Variants in CTTNBP2 observed in about 807,000 individuals in gnomAD.
CTTNBP2 encodes the protein cortactin-binding protein 2.
Under a neutral mutation model 156.9 loss-of-function variants are expected in CTTNBP2, and 108 were observed. The observed-to-expected ratio is 0.69, with a 90% CI of 0.59 to 0.81. The LOEUF (loss-of-function observed/expected upper bound fraction) is 0.81. Among genes scored for constraint, CTTNBP2 ranks in the 30% least tolerant of loss-of-function variants. CTTNBP2 has a pLI of 0.00. For synonymous variants in CTTNBP2, 767 were observed against 751.8 expected, an observed-to-expected ratio of 1.02 and a Z score of -0.33; for missense variants, 1,924 against 2,035.4, an observed-to-expected ratio of 0.95 and a Z score of 1.05.
intron 8 of CTTNBP2, among the ~76,000 whole-genome samples, chr7:117,775,584 CTTTTTT>C (rs35808637): frequency 7.2e-6 from 1 of 138,442 alleles, no homozygotes; most frequent in Non-Finnish European, 1.6e-5. Flanking sequence ...TTTGTTTTTC[CTTTTTT>C]TTTTTTGCCT....
At chr7:117,841,731 C>T (rs1370904224) in intron 2 of CTTNBP2, among the ~76,000 whole-genome samples, 1 of 152,176 alleles carries the variant, frequency 6.6e-6, no homozygotes, top group Non-Finnish European at 1.5e-5. Flanking sequence ...ATGATGAATG[C>T]ATGATTATAC....
rs1804750203 is a variant in CTTNBP2 at position 117,873,219 on chromosome 7, G to A, written c.81+116C>T. On this transcript the variant is annotated intron_variant, in intron 1 of 22. Coordinates refer to ENST00000160373, the MANE Select transcript of CTTNBP2 (RefSeq NM_033427.3). Reference sequence around the variant, plus strand: ...GGGGCCCCGATGAAGGGGCACCGGAGAGTCCCGGGCTTACGGAACGCCCCG... The same window carrying A: ...GGGGCCCCGATGAAGGGGCACCGGAAAGTCCCGGGCTTACGGAACGCCCCG... The A allele has an allele frequency of 1.3e-5, 10 of 752,510 alleles. No homozygotes were observed. The East Asian group carries it at 3.6e-4, about 27-fold the overall frequency. 46.6% of individuals were successfully genotyped at this position (752,510 alleles called of 1,614,324 possible). A position where few individuals can be genotyped will look rare whatever the true frequency, so the allele number is the denominator to read the frequency against.
rs200629394 is a variant in CTTNBP2, at chr7:117,861,221, G to A, written c.177C>T (p.Ile59=). 1.1e-5 allele frequency: 18 copies of A among 1,611,722 alleles called. No individual in the cohort carries two copies. Among genetic ancestry groups the A allele is most frequent in the African/African-American group, 4.0e-5 (3 of 74,954 alleles). ...EGELEARDLV[I]EALRARRKEV... ...GTGTCGTCCTTACCCGCAGGGCCTC[G>A]ATGACAAGGTCTCTGGCCTCCAGCT... The change falls in exon 2 of 23, where the codon ATC becomes ATT. Residue 59 remains isoleucine, a synonymous_variant. Coordinates refer to ENST00000160373, the MANE Select transcript of CTTNBP2 (RefSeq NM_033427.3).
chr7:117,711,295 A>C lies in CTTNBP2; in HGVS notation c.*242T>G. On this transcript the variant is annotated 3_prime_UTR_variant, in exon 23 of 23. Coordinates refer to ENST00000160373, the MANE Select transcript of CTTNBP2 (RefSeq NM_033427.3). Reference sequence around the variant, plus strand: ...ACTATTACAATTTTTCTATTATAAAACTACTTGAAAAGTTGGCATAACTTC... The same window carrying C: ...ACTATTACAATTTTTCTATTATAAACCTACTTGAAAAGTTGGCATAACTTC... 7.1e-6 allele frequency: 3 copies of C among 424,160 alleles called. No individual in the cohort carries two copies. In the South Asian group the frequency reaches 9.3e-5, roughly 13 times the overall value. The allele number at this position is 424,160 out of a possible 1,614,324, so 26.3% of individuals were successfully genotyped here. A position where few individuals can be genotyped will look rare whatever the true frequency, so the allele number is the denominator to read the frequency against.
Position 117,710,864 on chromosome 7 carries a change from T to G in CTTNBP2, c.*673A>C, listed in dbSNP as rs1288400636. 6.6e-6 allele frequency: 1 copy of G among 152,398 alleles called. No individual in the cohort carries two copies. The highest frequency in any genetic ancestry group is 6.6e-5 in the Admixed American group (1 of 15,262). The allele number at this position is 152,398 out of a possible 1,614,324, so 9.4% of individuals were successfully genotyped here. On this transcript the variant is annotated 3_prime_UTR_variant, in exon 23 of 23. Coordinates refer to ENST00000160373, the MANE Select transcript of CTTNBP2 (RefSeq NM_033427.3). The stretch of plus-strand genomic sequence containing the variant: ...AAACTTTTGTAAGAAAGATAACACT[T>G]TTATTGCATTATAATTTCATATTTT...
At chr7:117,833,045 G>A (rs34363739) in intron 2 of CTTNBP2, among the ~76,000 whole-genome samples, 2,778 of 151,984 alleles carry the variant, frequency 0.018, 37 homozygotes, top group Middle Eastern at 0.044. Flanking sequence ...GTGAGCCACC[G>A]CATCTGGCCC....
intron 1 of CTTNBP2, among the ~76,000 whole-genome samples, chr7:117,864,630 GAATA>G (rs934206307): frequency 1.1e-4 from 16 of 142,258 alleles, no homozygotes; most frequent in African/African-American, 3.3e-4. Flanking sequence ...ATTTTTGTTA[GAATA>G]TATATATTCA....
intron 3 of CTTNBP2, among the ~76,000 whole-genome samples, chr7:117,804,214 C>T (rs1799793641): frequency 6.6e-6 from 1 of 152,192 alleles, no homozygotes; most frequent in African/African-American, 2.4e-5. Flanking sequence ...CCGCCTGTCT[C>T]AGTCTCCCAA....
chr7:117,718,246 CT>C, intron 21 of CTTNBP2, 127 bp from the exon 22 acceptor site: 3 of 536,138 alleles, frequency 5.6e-6, no homozygotes, highest in Non-Finnish European at 6.6e-6. Context: ...CCCTCAAGTC[CT>C]GAACTGTTCA....
At chr7:117,736,966 C>T (rs530300938) in intron 14 of CTTNBP2, among the ~76,000 whole-genome samples, 1 of 152,222 alleles carries the variant, frequency 6.6e-6, no homozygotes, top group East Asian at 1.9e-4. Context: ...TTACTATAGA[C>T]ACAATGCATT....
intron 4 of CTTNBP2, 131 bp from the exon 5 acceptor site, chr7:117,784,585 AT>A (rs1398060746): frequency 8.8e-6 from 5 of 565,662 alleles, no homozygotes; most frequent in African/African-American, 1.9e-5. Context: ...GGTTTCTAAC[AT>A]TATCAATCTG....
intron 9 of CTTNBP2, among the ~76,000 whole-genome samples, chr7:117,765,355 T>C (rs1463962706): frequency 6.6e-6 from 1 of 152,226 alleles, no homozygotes; most frequent in Non-Finnish European, 1.5e-5. Flanking sequence ...AGAATTGGAA[T>C]CTTAGAAAGA....
chr7:117,750,256 A>G (rs538071448), intron 12 of CTTNBP2, among the ~76,000 whole-genome samples: 1 of 152,154 alleles, frequency 6.6e-6, no homozygotes, highest in Non-Finnish European at 1.5e-5. Context: ...ACATAAAGAG[A>G]CCCAACTTCA....
chr7:117,757,383 A>T (rs963417844), intron 11 of CTTNBP2, among the ~76,000 whole-genome samples: 5 of 152,122 alleles, frequency 3.3e-5, no homozygotes, highest in Non-Finnish European at 7.3e-5. Context: ...GGATAAGCAG[A>T]AATGCATATC....
In CTTNBP2 at chr7:117,735,283, C is replaced by T; in HGVS notation, c.3674G>A (p.Cys1225Tyr). The T allele has an allele frequency of 1.2e-6, 2 of 1,613,874 alleles. No homozygotes were observed. Among genetic ancestry groups the T allele is most frequent in the African/African-American group, 1.3e-5 (1 of 75,034 alleles). ...PLENRSTESP[C>Y]TFQKGNGLSE... Reference sequence around the variant, plus strand: ...ATTAGCGTTACCTTTTTGGAAAGTGCAGGGGCTTTCAGTGCTGCGATTTTC... The same window carrying T: ...ATTAGCGTTACCTTTTTGGAAAGTGTAGGGGCTTTCAGTGCTGCGATTTTC... The change falls in exon 15 of 23, where the codon TGC (cysteine) becomes TAC (tyrosine). Residue 1225 changes from cysteine (C) to tyrosine (Y), a missense_variant. Cys to Tyr is a radical substitution (Grantham distance 194). Transcript: ENST00000160373.
At chr7:117,783,621 G>A (rs992965867) in intron 5 of CTTNBP2, among the ~76,000 whole-genome samples, 3 of 152,132 alleles carry the variant, frequency 2.0e-5, no homozygotes, top group African/African-American at 7.2e-5. Flanking sequence ...GATCTCTGAG[G>A]TCACTAGAAT....
At chr7:117,766,847 C>T (rs1797510259) in intron 9 of CTTNBP2, among the ~76,000 whole-genome samples, 1 of 152,082 alleles carries the variant, frequency 6.6e-6, no homozygotes, top group African/African-American at 2.4e-5. Flanking sequence ...AAGGAGAAAC[C>T]AGCATTACTT....
chr7:117,831,506 A>G (rs995311062), intron 2 of CTTNBP2, among the ~76,000 whole-genome samples: 15 of 152,120 alleles, frequency 9.9e-5, no homozygotes, highest in African/African-American at 2.9e-4. Context: ...CTTCTTGCCA[A>G]TATGATTCAA....
At chr7:117,759,139 G>T (rs943625488) in intron 10 of CTTNBP2, among the ~76,000 whole-genome samples, 7 of 152,016 alleles carry the variant, frequency 4.6e-5, no homozygotes, top group African/African-American at 1.5e-4. Context: ...AAGAGATGGG[G>T]TCTTTGTGGC....
Sources: allele counts gnomAD v4.1 joint callset (sites outside exome capture counted in the v4.1 genomes callset), GRCh38; gene constraint gnomAD v4.1.1; transcripts MANE v1.5; gene names NCBI Gene and HGNC (gene_info 2026-07-23, HGNC 2026-07-21).